The following PXDNL variants were observed in gnomAD, a reference collection of about 807,000 sequenced individuals.
PXDNL encodes probable oxidoreductase PXDNL.
In PXDNL, 145 loss-of-function variants were observed where a neutral mutation model predicts 150.8. The ratio of observed to expected loss-of-function variants is 0.96; its 90% confidence interval spans 0.84 to 1.10. The LOEUF (loss-of-function observed/expected upper bound fraction) is 1.10, where lower values mean the gene tolerates loss of function less well. Among genes scored for constraint, PXDNL ranks in the 50% least tolerant of loss-of-function variants. The probability of loss-of-function intolerance (pLI) is 0.00; values close to 1 mark genes in which losing one functional copy is unlikely to be tolerated. For synonymous variants in PXDNL, 757 were observed against 725.7 expected (o/e 1.04, Z -0.69); for missense variants, 2,087 against 1,873.9 (o/e 1.11, Z -2.10).
intron 1 of PXDNL, among the ~76,000 whole-genome samples, chr8:51,687,184 A>G (rs1326400072): frequency 6.6e-6 from 1 of 152,180 alleles, no homozygotes; most frequent in Non-Finnish European, 1.5e-5. Context: ...AATATAGGTT[A>G]AATAGTCAGC....
At chr8:51,506,761 A>C (rs1305952525) in intron 4 of PXDNL, among the ~76,000 whole-genome samples, 3 of 152,090 alleles carry the variant, frequency 2.0e-5, no homozygotes, top group Non-Finnish European at 4.4e-5. Flanking sequence ...TTCTTCCTGG[A>C]AAAATGCAGA....
chr8:51,696,709 A>G (rs1253488904), intron 1 of PXDNL, among the ~76,000 whole-genome samples: 29 of 127,328 alleles, frequency 2.3e-4, no homozygotes, highest in African/African-American at 8.1e-4. Flanking sequence ...ACATCCACAC[A>G]CAGGTTCACA....
At chr8:51,707,867 G>A (rs1398779557) in intron 1 of PXDNL, among the ~76,000 whole-genome samples, 1 of 152,020 alleles carries the variant, frequency 6.6e-6, no homozygotes, top group African/African-American at 2.4e-5. Context: ...TTTCTTTTAA[G>A]GCTGAATAAT....
chr8:51,383,928 A>G (rs1163997998), intron 17 of PXDNL, among the ~76,000 whole-genome samples: 2 of 152,216 alleles, frequency 1.3e-5, no homozygotes, highest in African/African-American at 2.4e-5. Context: ...GAGGTCCTGT[A>G]TGGAATCTTT....
intron 2 of PXDNL, among the ~76,000 whole-genome samples, chr8:51,641,542 G>A (rs1440164321): frequency 1.2e-4 from 18 of 151,972 alleles, no homozygotes; most frequent in Admixed American, 4.6e-4. Flanking sequence ...AAAAGTGGGC[G>A]AAGGACATGA....
At chr8:51,326,349 T>A (rs1805487133) in intron 21 of PXDNL, among the ~76,000 whole-genome samples, 1 of 152,022 alleles carries the variant, frequency 6.6e-6, no homozygotes, top group Non-Finnish European at 1.5e-5. Flanking sequence ...AATACAAAAA[T>A]TAGCCAAGCG....
intron 2 of PXDNL, among the ~76,000 whole-genome samples, chr8:51,599,160 C>T (rs1813638593): frequency 6.6e-6 from 1 of 152,142 alleles, no homozygotes; most frequent in Non-Finnish European, 1.5e-5. Context: ...GTCTATCCAT[C>T]TTGTTTGCCT....
chr8:51,754,526 CAG>C (rs1248201748), intron 1 of PXDNL, among the ~76,000 whole-genome samples: 2 of 150,488 alleles, frequency 1.3e-5, no homozygotes, highest in East Asian at 2.0e-4. Context: ...TTTTTTGAGG[CAG>C]AGTCTCGCTC....
chr8:51,661,983 T>A (rs1365832139), intron 1 of PXDNL, among the ~76,000 whole-genome samples: 2 of 152,078 alleles, frequency 1.3e-5, no homozygotes, highest in Non-Finnish European at 2.9e-5. Flanking sequence ...AGTTCTTCTA[T>A]CTAGCGTCTT....
chr8:51,683,433 T>C (rs1815802516), intron 1 of PXDNL, among the ~76,000 whole-genome samples: 1 of 151,776 alleles, frequency 6.6e-6, no homozygotes, highest in Non-Finnish European at 1.5e-5. Context: ...TTCTTTTTGC[T>C]ACTGAGTTAT....
At chr8:51,652,454 C>A (rs948708004) in intron 2 of PXDNL, among the ~76,000 whole-genome samples, 2 of 151,242 alleles carry the variant, frequency 1.3e-5, no homozygotes, top group Non-Finnish European at 2.9e-5. Flanking sequence ...CACACACACA[C>A]ACACACAAAC....
At position 51,377,105 on chromosome 8, in the gene PXDNL, T is replaced by TACACACACACACACACAC. The variant is rs772419401; in HGVS notation, c.3558-2392_3558-2375dup. Among the ~76,000 whole-genome samples the TACACACACACACACACAC allele has an allele frequency of 2.6e-4, 37 of 140,700 alleles. 1 individual carries two copies. The highest frequency in any genetic ancestry group is 1.3e-3 in the Admixed American group (18 of 14,112). The allele number at this position is 140,700 out of a possible 152,430, so 92.3% of individuals were successfully genotyped here. A position where few individuals can be genotyped will look rare whatever the true frequency, so the allele number is the denominator to read the frequency against. The stretch of plus-strand genomic sequence containing the variant: ...AAATCTGAAGTGGCACTCTACCCTT[T>TACACACACACACACACAC]ACACACACACACACACACACACACA... On this transcript the variant is annotated intron_variant, in intron 17 of 22. Coordinates refer to ENST00000356297, the MANE Select transcript of PXDNL (RefSeq NM_144651.5).
In PXDNL at chr8:51,423,659, C is replaced by G. The variant is rs369345800; in HGVS notation, c.1711G>C (p.Gly571Arg). 9.9e-6 allele frequency: 16 copies of G among 1,613,490 alleles called. No individual in the cohort carries two copies. The African/African-American group carries it at 2.1e-4, about 22-fold the overall frequency. The stretch of plus-strand genomic sequence containing the variant: ...TCATATCTTCCCTGGTCAGGGAACC[C>G]TGCGTCGTAGATAGTCAGCGTGCCT... ...DEGTLTIYDA[G>R]FPDQGRYECV... The change falls in exon 14 of 23, where the codon GGG becomes CGG. Residue 571 changes from glycine to arginine, a missense_variant. Physicochemically the swap from Gly to Arg is moderately radical, Grantham distance 125. Coordinates refer to ENST00000356297, the MANE Select transcript of PXDNL (RefSeq NM_144651.5).
chr8:51,654,534 G>A (rs1419641666), intron 2 of PXDNL, among the ~76,000 whole-genome samples, 155 bp downstream of exon 2: 1 of 152,314 alleles, frequency 6.6e-6, no homozygotes, highest in East Asian at 1.9e-4. Context: ...CATAGGCAGT[G>A]TAAAGAAGCA....
chr8:51,408,535 A>G lies in PXDNL; in HGVS notation c.3089T>C (p.Leu1030Pro). ...GGGGTTGTAGCCTCGGTAACCCCTC[A>G]GCATCCTAGTGCCAGGGTCCCCCAG... is the stretch of plus-strand genomic sequence containing the variant. ...KVLGDPGTRM[L>P]RGYRGYNPNV... is the part of the protein sequence containing the mutation. Residue 1030 changes from leucine (L) to proline (P), a missense_variant, in exon 17 of 23, where the codon CTG (leucine) becomes CCG (proline). Transcript: ENST00000356297. 6.2e-7 allele frequency: 1 copy of G among 1,613,258 alleles called. No homozygotes were observed. The highest frequency in any genetic ancestry group is 8.5e-7 in the Non-Finnish European group (1 of 1,179,592).
At chr8:51,462,389 T>C (rs1035284287) in intron 8 of PXDNL, among the ~76,000 whole-genome samples, 2 of 152,052 alleles carry the variant, frequency 1.3e-5, no homozygotes, top group African/African-American at 4.8e-5. Flanking sequence ...TGAAACCTAA[T>C]CCAAGGAAGC....
intron 1 of PXDNL, among the ~76,000 whole-genome samples, chr8:51,676,367 G>T (rs1489547421): frequency 1.3e-5 from 2 of 151,716 alleles, no homozygotes; most frequent in Non-Finnish European, 2.9e-5. Flanking sequence ...ACCTCTGCTT[G>T]CCAGGTTCAA....
intron 19 of PXDNL, among the ~76,000 whole-genome samples, chr8:51,361,097 C>T (rs1008328921): frequency 7.2e-5 from 11 of 152,232 alleles, no homozygotes; most frequent in African/African-American, 2.4e-4. Flanking sequence ...CTCACAGCAA[C>T]TGGGGATCAT....
chr8:51,615,750 T>C (rs1187112722), intron 2 of PXDNL, among the ~76,000 whole-genome samples: 1 of 152,204 alleles, frequency 6.6e-6, no homozygotes, highest in Admixed American at 6.5e-5. Context: ...AAATAACACA[T>C]TTACAATTCA....
Sources: allele counts gnomAD v4.1 joint callset (sites outside exome capture counted in the v4.1 genomes callset), GRCh38; gene constraint gnomAD v4.1.1; transcripts MANE v1.5; gene names NCBI Gene and HGNC (gene_info 2026-07-23, HGNC 2026-07-21).